Variants in CTNNA3 observed in about 807,000 individuals in gnomAD.
CTNNA3 encodes the protein catenin alpha-3.
CTNNA3 carries 76 observed loss-of-function variants against 95.7 expected under a neutral mutation model. That is an observed-to-expected ratio of 0.79 (90% CI 0.66 to 0.96). CTNNA3 has a LOEUF of 0.96. Among genes scored for constraint, CTNNA3 ranks in the 40% least tolerant of loss-of-function variants. The probability of loss-of-function intolerance (pLI) is 0.00; values close to 1 mark genes in which losing one functional copy is unlikely to be tolerated. For missense variants in CTNNA3, 1,191 were observed against 1,089.8 expected (o/e 1.09, Z -1.31); for synonymous variants, 431 against 374.4 (o/e 1.15, Z -1.74).
At position 66,927,322 on chromosome 10, in the gene CTNNA3, C is replaced by A; in HGVS notation, c.1048-151798G>T. 2 of 1,614,120 alleles carry A rather than the reference C, an allele frequency of 1.2e-6. No individual in the cohort carries two copies. Among genetic ancestry groups the A allele is most frequent in the Non-Finnish European group, 1.7e-6 (2 of 1,180,028 alleles). On this transcript the variant is annotated intron_variant, in intron 7 of 17. Transcript: ENST00000433211. The surrounding 1 kb of genome is among the most constrained non-coding windows in gnomAD (Gnocchi z 4.7). ...TACCTTCAGACCTGTGACAAATTTA[C>A]GGAACTTGGATCTGTCCTATAATCA...
At chr10:66,106,330 T>C (rs976508709) in intron 13 of CTNNA3, among the ~76,000 whole-genome samples, 4 of 112,342 alleles carry the variant, frequency 3.6e-5, no homozygotes, top group Non-Finnish European at 7.2e-5. Flanking sequence ...TTTGTGTGTG[T>C]GTGTGTTTGT....
chr10:66,663,887 A>C (rs1456802730), intron 9 of CTNNA3, among the ~76,000 whole-genome samples: 1 of 152,136 alleles, frequency 6.6e-6, no homozygotes, highest in African/African-American at 2.4e-5. Context: ...TCCTTTTTAA[A>C]TTAGCATTAG....
At chr10:67,626,336 C>G (rs1339823131) in intron 2 of CTNNA3, among the ~76,000 whole-genome samples, 1 of 152,032 alleles carries the variant, frequency 6.6e-6, no homozygotes, top group African/African-American at 2.4e-5. Flanking sequence ...TTCCAGAGGT[C>G]TTTGTGGGGT....
Position 67,475,432 on chromosome 10 carries a change from C to A in CTNNA3, c.579+46410G>T, listed in dbSNP as rs529650697. Among the ~76,000 whole-genome samples, 26 of 152,222 alleles carry A rather than the reference C, an allele frequency of 1.7e-4. No individual in the cohort carries two copies. In the South Asian group the frequency reaches 5.4e-3, roughly 32 times the overall value. On this transcript the variant is annotated intron_variant, in intron 5 of 17. Coordinates refer to ENST00000433211, the MANE Select transcript of CTNNA3 (RefSeq NM_013266.4). ...TATGCAAATTATACCTCAAAAAAAT[C>A]TGTCATAAAAAAATTCCTACCTATG... is the stretch of plus-strand genomic sequence containing the variant.
intron 15 of CTNNA3, among the ~76,000 whole-genome samples, chr10:66,044,576 T>C (rs1018056302): frequency 6.6e-6 from 1 of 152,166 alleles, no homozygotes; most frequent in Non-Finnish European, 1.5e-5. Context: ...TGATGACTAT[T>C]CTATGCTGTT....
At chr10:67,361,117 C>A (rs982079272) in intron 5 of CTNNA3, among the ~76,000 whole-genome samples, 3 of 152,018 alleles carry the variant, frequency 2.0e-5, no homozygotes, top group African/African-American at 7.2e-5. Flanking sequence ...TCAGAGCACC[C>A]AGATTCAGAA....
chr10:67,032,244 T>C (rs1853772724), intron 7 of CTNNA3, among the ~76,000 whole-genome samples: 1 of 152,160 alleles, frequency 6.6e-6, no homozygotes, highest in South Asian at 2.1e-4. Flanking sequence ...AGAACTGACA[T>C]TTTTTATATT....
chr10:67,191,306 GTAAAA>G (rs1863109401), intron 6 of CTNNA3, among the ~76,000 whole-genome samples: 1 of 151,864 alleles, frequency 6.6e-6, no homozygotes, highest in Admixed American at 6.6e-5. Flanking sequence ...AAAAAAAGAA[GTAAAA>G]TTTTCTCTGT....
intron 7 of CTNNA3, among the ~76,000 whole-genome samples, chr10:66,997,139 C>T (rs1023310495): frequency 3.9e-5 from 6 of 152,198 alleles, no homozygotes; most frequent in African/African-American, 7.2e-5. Context: ...ACAGCTTTTT[C>T]GTCTTTGCTT....
At chr10:67,715,817 C>T (rs1362004314) in intron 1 of CTNNA3, among the ~76,000 whole-genome samples, 1 of 152,176 alleles carries the variant, frequency 6.6e-6, no homozygotes, top group African/African-American at 2.4e-5. Flanking sequence ...CTGCCTGGAA[C>T]TGGCTGGGCT....
At chr10:66,298,053 C>A (rs1448421296) in intron 12 of CTNNA3, among the ~76,000 whole-genome samples, 2 of 152,166 alleles carry the variant, frequency 1.3e-5, no homozygotes, top group African/African-American at 4.8e-5. Context: ...AGTTAGGAGG[C>A]TATTTTTCCT....
At chr10:67,074,811 A>T (rs926047465) in intron 7 of CTNNA3, among the ~76,000 whole-genome samples, 4 of 147,108 alleles carry the variant, frequency 2.7e-5, no homozygotes, top group African/African-American at 7.9e-5. Context: ...AACATAACAT[A>T]ATTTATTTAT....
At chr10:67,500,990 A>C (rs955767296) in intron 5 of CTNNA3, among the ~76,000 whole-genome samples, 1 of 152,192 alleles carries the variant, frequency 6.6e-6, no homozygotes, top group African/African-American at 2.4e-5. Flanking sequence ...GTTATGTGTC[A>C]ATTTGATCCT....
At chr10:66,682,072 A>C (rs1847085484) in intron 9 of CTNNA3, among the ~76,000 whole-genome samples, 1 of 152,160 alleles carries the variant, frequency 6.6e-6, no homozygotes, top group African/African-American at 2.4e-5. Context: ...CCAATCCCTA[A>C]CTGTGCTGGA....
At chr10:66,016,388 T>A (rs1419752941) in intron 15 of CTNNA3, among the ~76,000 whole-genome samples, 3 of 144,924 alleles carry the variant, frequency 2.1e-5, no homozygotes, top group Non-Finnish European at 4.7e-5. Flanking sequence ...AGAAAGACGA[T>A]TCTTCCCTGG....
chr10:67,398,004 C>A lies in CTNNA3; in HGVS notation c.579+123838G>T, dbSNP rs141167629. On this transcript the variant is annotated intron_variant, in intron 5 of 17. Coordinates refer to ENST00000433211, the MANE Select transcript of CTNNA3 (RefSeq NM_013266.4). Reference sequence around the variant, plus strand: ...GCAGAAGTTTGTTGCAGAGGCAGAGCCCTCATGGAGAACCTCTGCTAGGAA... The same window carrying A: ...GCAGAAGTTTGTTGCAGAGGCAGAGACCTCATGGAGAACCTCTGCTAGGAA... 2.1e-3 allele frequency among the ~76,000 whole-genome samples: 326 copies of A among 152,330 alleles called. 2 individuals are homozygous for A. The highest frequency in any genetic ancestry group is 7.5e-3 in the African/African-American group (311 of 41,578).
intron 3 of CTNNA3, among the ~76,000 whole-genome samples, chr10:67,579,020 TATATATATATATAC>T (rs767724823): frequency 0.12 from 13,238 of 111,996 alleles, 233 homozygotes; most frequent in East Asian, 0.43. Context: ...TATATATATA[TATATATATATATAC>T]ACACACACAC....
chr10:66,178,136 T>C (rs1213083112), intron 13 of CTNNA3, among the ~76,000 whole-genome samples: 2 of 151,574 alleles, frequency 1.3e-5, no homozygotes, highest in East Asian at 1.9e-4. Context: ...TTTCCAGTTA[T>C]GCATGAAGAC....
At chr10:67,157,348 C>T (rs139536352) in intron 7 of CTNNA3, among the ~76,000 whole-genome samples, 1 of 152,090 alleles carries the variant, frequency 6.6e-6, no homozygotes, top group Non-Finnish European at 1.5e-5. Flanking sequence ...TGTGTAATTA[C>T]TGGTCTTGTG....
Sources: allele counts gnomAD v4.1 joint callset (sites outside exome capture counted in the v4.1 genomes callset), GRCh38; gene constraint gnomAD v4.1.1; non-coding constraint Gnocchi (gnomAD v3.1); transcripts MANE v1.5; gene names NCBI Gene and HGNC (gene_info 2026-07-23, HGNC 2026-07-21).